PLPP1: variants seen among roughly 807,000 people sequenced by gnomAD.
The protein encoded by PLPP1 is lipid phosphate phosphohydrolase 1a.
A neutral mutation model predicts 31.2 loss-of-function variants in PLPP1; 24 were observed. That is an observed-to-expected ratio of 0.77 (90% confidence interval 0.56 to 1.08). The LOEUF (loss-of-function observed/expected upper bound fraction) is 1.08, where lower values mean the gene tolerates loss of function less well. PLPP1 is among the 50% of genes least tolerant of loss of function. The pLI is 0.00. For synonymous variants in PLPP1, 146 were observed against 126.3 expected (o/e 1.16, Z -1.05); for missense variants, 319 against 342.7 (o/e 0.93, Z 0.55).
intron 3 of PLPP1, among the ~76,000 whole-genome samples, chr5:55,449,102 A>G (rs909976059): frequency 6.6e-6 from 1 of 152,206 alleles, no homozygotes; most frequent in Non-Finnish European, 1.5e-5. Flanking sequence ...TGTACAACAT[A>G]TTAACTAAAA....
intron 3 of PLPP1, among the ~76,000 whole-genome samples, chr5:55,450,380 G>C (rs1224887471): frequency 6.6e-6 from 1 of 152,122 alleles, no homozygotes. Context: ...AGGGTATTTA[G>C]AACTTGTTAT....
chr5:55,504,816 T>A (rs1753236843), intron 1 of PLPP1, among the ~76,000 whole-genome samples: 1 of 138,520 alleles, frequency 7.2e-6, no homozygotes, highest in African/African-American at 3.0e-5. Context: ...TAACTTTCCT[T>A]TTTTTTTTTT....
rs113708575 is a variant in PLPP1 at position 55,426,251 on chromosome 5, T to C, written c.550-212A>G. On this transcript the variant is annotated intron_variant, in intron 4 of 5. Coordinates refer to ENST00000307259, the MANE Select transcript of PLPP1 (RefSeq NM_003711.4). ...CTACTAACTTGTTCACAAGAATCTA[T>C]TGCCAGTCTAGCTATACCACCCTTC... Among the ~76,000 whole-genome samples, 986 of 152,292 alleles carry C rather than the reference T, an allele frequency of 6.5e-3. 9 individuals are homozygous for C. The highest frequency in any genetic ancestry group is 0.023 in the African/African-American group (949 of 41,556).
intron 1 of PLPP1, among the ~76,000 whole-genome samples, chr5:55,519,473 G>A (rs1336582379): frequency 6.6e-6 from 1 of 152,154 alleles, no homozygotes; most frequent in Non-Finnish European, 1.5e-5. Flanking sequence ...AAGTGGCCAG[G>A]CATGGTGGCT....
chr5:55,478,713 C>T (rs905648379), intron 1 of PLPP1, among the ~76,000 whole-genome samples: 12 of 152,060 alleles, frequency 7.9e-5, no homozygotes, highest in Non-Finnish European at 1.6e-4. Flanking sequence ...AGACAGTGAC[C>T]TCACCGTGGC....
chr5:55,518,145 T>C (rs1753592096), intron 1 of PLPP1, among the ~76,000 whole-genome samples: 1 of 152,142 alleles, frequency 6.6e-6, no homozygotes, highest in South Asian at 2.1e-4. Context: ...AAGACTGCAT[T>C]ATAAACAAGA....
At chr5:55,503,997 G>A (rs534040375) in intron 1 of PLPP1, among the ~76,000 whole-genome samples, 22 of 151,760 alleles carry the variant, frequency 1.4e-4, no homozygotes, top group Admixed American at 2.6e-4. Flanking sequence ...CTAATGGAAC[G>A]GGTGCGGTGG....
At chr5:55,499,083 T>C (rs1753064217) in intron 1 of PLPP1, among the ~76,000 whole-genome samples, 1 of 152,182 alleles carries the variant, frequency 6.6e-6, no homozygotes. Context: ...AGGGATAAGA[T>C]TTCCAAAGGA....
intron 1 of PLPP1, among the ~76,000 whole-genome samples, chr5:55,514,047 T>C (rs1407266291): frequency 2.0e-5 from 3 of 152,074 alleles, no homozygotes; most frequent in Admixed American, 2.0e-4. Flanking sequence ...GTTCAAAATA[T>C]GTGTAGAAAA....
Position 55,425,043 on chromosome 5 carries a change from T to A in PLPP1, c.*163A>T. On this transcript the variant is annotated 3_prime_UTR_variant, in exon 6 of 6. Coordinates refer to ENST00000307259, the MANE Select transcript of PLPP1 (RefSeq NM_003711.4). The stretch of plus-strand genomic sequence containing the variant: ...TTAGAGCTATTAGATAACCACTGAG[T>A]TAAAGGTAACTATGTACACACAAAG... 1.0e-6 allele frequency: 1 copy of A among 989,924 alleles called. No homozygotes were observed. The highest frequency in any genetic ancestry group is 1.5e-6 in the Non-Finnish European group (1 of 674,032). The allele number at this position is 989,924 out of a possible 1,614,324, so 61.3% of individuals were successfully genotyped here. A position where few individuals can be genotyped will look rare whatever the true frequency, so the allele number is the denominator to read the frequency against.
At chr5:55,474,144 G>A (rs1244854958) in intron 2 of PLPP1, among the ~76,000 whole-genome samples, 1 of 151,796 alleles carries the variant, frequency 6.6e-6, no homozygotes, top group African/African-American at 2.4e-5. Context: ...TTACAGGTGT[G>A]TGCCACCACA....
At chr5:55,470,574 T>C (rs188285740) in intron 2 of PLPP1, among the ~76,000 whole-genome samples, 1 of 152,336 alleles carries the variant, frequency 6.6e-6, no homozygotes, top group East Asian at 1.9e-4. Context: ...GGGGAGTCTC[T>C]AAAGCCAGCA....
chr5:55,513,278 A>ATTTTTTTTTTTG (rs1203054710), intron 1 of PLPP1, among the ~76,000 whole-genome samples: 1 of 121,382 alleles, frequency 8.2e-6, no homozygotes, highest in African/African-American at 3.1e-5. Context: ...CTTTTTTTTT[A>ATTTTTTTTTTTG]AGACAGAGTC....
At chr5:55,530,527 T>A in intron 1 of PLPP1, 1 of 1,205,064 alleles carries the variant, frequency 8.3e-7, no homozygotes, top group Non-Finnish European at 1.2e-6. Context: ...TCTTCAGAGA[T>A]CTGAAAGTTT....
At chr5:55,444,741 T>TGTGTGTG (rs1554037408) in intron 3 of PLPP1, among the ~76,000 whole-genome samples, 57 of 6,978 alleles carry the variant, frequency 8.2e-3, no homozygotes, top group African/African-American at 0.013. Flanking sequence ...TGGGATTCTA[T>TGTGTGTG]TTTGTGTGTG....
intron 3 of PLPP1, among the ~76,000 whole-genome samples, chr5:55,444,131 G>A (rs1337426017): frequency 6.6e-6 from 1 of 151,466 alleles, no homozygotes; most frequent in East Asian, 1.9e-4. Context: ...GCCCAGACTG[G>A]AGTGCAGTGG....
chr5:55,452,486 T>C (rs1038102410), intron 3 of PLPP1, among the ~76,000 whole-genome samples: 23 of 152,196 alleles, frequency 1.5e-4, no homozygotes, highest in African/African-American at 5.5e-4. Flanking sequence ...ATAAACCTCA[T>C]TTATTAATTA....
At chr5:55,443,347 A>G (rs1362040567) in intron 3 of PLPP1, among the ~76,000 whole-genome samples, 1 of 151,560 alleles carries the variant, frequency 6.6e-6, no homozygotes, top group East Asian at 1.9e-4. Context: ...ATTAAACCCA[A>G]TAATTATTCT....
chr5:55,493,338 A>G (rs182299130), intron 1 of PLPP1, among the ~76,000 whole-genome samples: 45 of 152,114 alleles, frequency 3.0e-4, no homozygotes, highest in Admixed American at 2.1e-3. Context: ...AGAAGAAGAA[A>G]AAACTGAAAG....
Sources: allele counts gnomAD v4.1 joint callset (sites outside exome capture counted in the v4.1 genomes callset), GRCh38; gene constraint gnomAD v4.1.1; transcripts MANE v1.5; gene names NCBI Gene and HGNC (gene_info 2026-07-23, HGNC 2026-07-21).